PGM2: variants seen among roughly 807,000 people sequenced by gnomAD.
PGM2 encodes phosphopentomutase.
A neutral mutation model predicts 74.6 loss-of-function variants in PGM2; 57 were observed. That is an observed-to-expected ratio of 0.76 (90% CI 0.62 to 0.95). The LOEUF (loss-of-function observed/expected upper bound fraction) is 0.95, where lower values mean the gene tolerates loss of function less well. PGM2 is among the 40% of genes least tolerant of loss of function. The probability of loss-of-function intolerance (pLI) is 0.00; values close to 1 mark genes in which losing one functional copy is unlikely to be tolerated. For missense variants in PGM2, 706 were observed against 741.9 expected (o/e 0.95, Z 0.56); for synonymous variants, 273 against 260.7 (o/e 1.05, Z -0.46).
In PGM2 at chr4:37,858,162, C is replaced by T. The variant is rs183499620; in HGVS notation, c.1736+2421C>T. On this transcript the variant is annotated intron_variant, in intron 13 of 13. Coordinates refer to ENST00000381967, the MANE Select transcript of PGM2 (RefSeq NM_018290.4). ...GAGTGGACTTAAATTCAAATATTAG[C>T]TTATAAATTAGTGAAAAAAACCTTG... 1.2e-4 allele frequency among the ~76,000 whole-genome samples: 18 copies of T among 152,078 alleles called. No homozygotes were observed. The East Asian group carries it at 2.5e-3, about 21-fold the overall frequency.
At chr4:37,840,284 C>T (rs372547966) in intron 6 of PGM2, 25 bp downstream of exon 6, 689 of 1,426,444 alleles carry the variant, frequency 4.8e-4, no homozygotes, top group Non-Finnish European at 6.6e-4. Context: ...TCTTCACTGA[C>T]CTTAAGTGAG....
intron 6 of PGM2, among the ~76,000 whole-genome samples, chr4:37,843,324 A>G (rs867953496): frequency 3.9e-5 from 6 of 152,174 alleles, no homozygotes; most frequent in South Asian, 2.1e-4. Context: ...CTAATCTTAC[A>G]TATTTATTTT....
chr4:37,848,427 C>T lies in PGM2; in HGVS notation c.1283-95C>T, dbSNP rs1725937549. ...ATGAGAAATGTGCATACACGCAACACTGTACAACCTCTAATATGCAATAGC... is the reference window on the plus strand; with the variant it reads ...ATGAGAAATGTGCATACACGCAACATTGTACAACCTCTAATATGCAATAGC... On this transcript the variant is annotated intron_variant, in intron 10 of 13. Coordinates refer to ENST00000381967, the MANE Select transcript of PGM2 (RefSeq NM_018290.4). 5 of 1,097,360 alleles carry T rather than the reference C, an allele frequency of 4.6e-6. No individual in the cohort carries two copies. The Admixed American group carries it at 8.8e-5, about 19-fold the overall frequency. The allele number at this position is 1,097,360 out of a possible 1,614,324, so 68.0% of individuals were successfully genotyped here.
intron 3 of PGM2, among the ~76,000 whole-genome samples, chr4:37,836,529 G>A (rs931746870): frequency 6.6e-6 from 1 of 152,078 alleles, no homozygotes; most frequent in African/African-American, 2.4e-5. Context: ...GCATTTTTTT[G>A]TGCACATTTG....
chr4:37,846,008 T>A (rs1389737452), intron 8 of PGM2, among the ~76,000 whole-genome samples: 1 of 152,202 alleles, frequency 6.6e-6, no homozygotes, highest in Non-Finnish European at 1.5e-5. Flanking sequence ...CATTTTGTAA[T>A]TGATCTTTTT....
chr4:37,861,139 C>T (rs1451177130), intron 13 of PGM2, among the ~76,000 whole-genome samples: 1 of 152,088 alleles, frequency 6.6e-6, no homozygotes, highest in African/African-American at 2.4e-5. Context: ...AAAAGTTTAG[C>T]AGGATTTAAT....
intron 6 of PGM2, among the ~76,000 whole-genome samples, chr4:37,840,926 T>C (rs551341990): frequency 6.7e-6 from 1 of 148,316 alleles, no homozygotes; most frequent in Non-Finnish European, 1.5e-5. Context: ...TGTATGTGAT[T>C]CATACATATT....
In PGM2 at chr4:37,846,214, G is replaced by A. The variant is rs79161098; in HGVS notation, c.1007+484G>A. On this transcript the variant is annotated intron_variant, in intron 8 of 13. Transcript: ENST00000381967. The stretch of plus-strand genomic sequence containing the variant: ...AGTCTGACCAGAGAGTTTGTACAAA[G>A]GAGAAGTAAGTACGTGGGGCTAAAG... Among the ~76,000 whole-genome samples the A allele has an allele frequency of 3.9e-3, 591 of 152,232 alleles. 2 individuals carry two copies. Among genetic ancestry groups the A allele is most frequent in the African/African-American group, 0.014 (568 of 41,534 alleles).
Position 37,826,798 on chromosome 4 carries a change from G to A in PGM2, c.66G>A (p.Trp22Ter). The change falls in exon 1 of 14, where the codon TGG (tryptophan) becomes TGA (stop). Residue 22 changes from tryptophan (W) to a stop codon, truncating the protein, a stop_gained. Coordinates refer to ENST00000381967, the MANE Select transcript of PGM2 (RefSeq NM_018290.4). LOFTEE classifies it high-confidence loss of function. ...GGCTGGACCAGGAGACCGCCCAGTG[G>A]CTGCGCTGGGACAAGGTGAGGGGCA... is the stretch of plus-strand genomic sequence containing the variant. ...DARLDQETAQ[W>*]LRWDKNSLTL... 5 of 1,547,066 alleles carry A rather than the reference G, an allele frequency of 3.2e-6. No homozygotes were observed. Among genetic ancestry groups the A allele is most frequent in the Non-Finnish European group, 4.4e-6 (5 of 1,144,296 alleles).
intron 11 of PGM2, among the ~76,000 whole-genome samples, chr4:37,848,979 A>G (rs1034659774): frequency 6.6e-6 from 1 of 151,542 alleles, no homozygotes; most frequent in Admixed American, 6.6e-5. Context: ...CTGAGGCAGG[A>G]GAATTGCTTG....
At chr4:37,841,194 T>TGTGG (rs57914848) in intron 6 of PGM2, among the ~76,000 whole-genome samples, 5 of 42,264 alleles carry the variant, frequency 1.2e-4, no homozygotes, top group African/African-American at 3.7e-4. Flanking sequence ...GTGTGGTTTG[T>TGTGG]TCTGTGCACT....
intron 12 of PGM2, among the ~76,000 whole-genome samples, chr4:37,851,009 AG>A (rs1375703323): frequency 6.6e-6 from 1 of 150,682 alleles, no homozygotes; most frequent in African/African-American, 2.4e-5. Flanking sequence ...AAAAAAAAAA[AG>A]AGGAACTAGT....
In PGM2 at chr4:37,848,635, A is replaced by G. The variant is rs1646675218; in HGVS notation, c.1396A>G (p.Lys466Glu). ...GAATTTGTCTTTGTCTCAGCAACTAAAGGCCATTTATGTGGAGTAAGTTGT... is the reference window on the plus strand; with the variant it reads ...GAATTTGTCTTTGTCTCAGCAACTAGAGGCCATTTATGTGGAGTAAGTTGT... Reference protein sequence around the residue: ...TKNLSLSQQLKAIYVEYGYHI... With the variant: ...TKNLSLSQQLEAIYVEYGYHI... The change falls in exon 11 of 14, where the codon AAG becomes GAG. Residue 466 changes from lysine to glutamate, a missense_variant. This residue lies in a region of PGM2 where 359 missense variants were observed against 371.1 expected (regional missense o/e 0.97). Transcript: ENST00000381967. 1 of 1,613,488 alleles carries G rather than the reference A, an allele frequency of 6.2e-7. No individual in the cohort carries two copies. The highest frequency in any genetic ancestry group is 1.3e-5 in the African/African-American group (1 of 74,928).
intron 12 of PGM2, 60 bp from the exon 13 acceptor site, chr4:37,855,548 A>C: frequency 5.8e-5 from 83 of 1,421,352 alleles, no homozygotes; most frequent in East Asian, 1.2e-4. Context: ...ATGCAAGAGA[A>C]GATATTGGTT....
chr4:37,840,223 A>G lies in PGM2; in HGVS notation c.683A>G (p.Asp228Gly). 6.2e-7 allele frequency: 1 copy of G among 1,612,240 alleles called. No individual in the cohort carries two copies. The highest frequency in any genetic ancestry group is 1.7e-4 in the Middle Eastern group (1 of 6,056). ...LHNPSASINN[D>G]YFEDLKKYCF... ...AATCCGAGTGCTTCCATCAATAATG[A>G]CTACTTTGAAGACCTTAAAAAGTAC... is the stretch of plus-strand genomic sequence containing the variant. Residue 228 changes from aspartate to glycine, a missense_variant, in exon 6 of 14, where the codon GAC (aspartate) becomes GGC (glycine). Coordinates refer to ENST00000381967, the MANE Select transcript of PGM2 (RefSeq NM_018290.4).
Position 37,833,897 on chromosome 4 carries a change from C to A in PGM2, c.250-721C>A, listed in dbSNP as rs192433897. Reference sequence around the variant, plus strand: ...TAGGTGGCAGCGTGGAGTACAAATTCTCAGATTGTGCTTCTAGAGTATGTG... The same window carrying A: ...TAGGTGGCAGCGTGGAGTACAAATTATCAGATTGTGCTTCTAGAGTATGTG... On this transcript the variant is annotated intron_variant, in intron 2 of 13. Coordinates refer to ENST00000381967, the MANE Select transcript of PGM2 (RefSeq NM_018290.4). Among the ~76,000 whole-genome samples the A allele has an allele frequency of 2.3e-4, 34 of 150,266 alleles. No individual in the cohort carries two copies. In the East Asian group the frequency reaches 6.0e-3, roughly 26 times the overall value.
chr4:37,840,209 T>C lies in PGM2; in HGVS notation c.669T>C (p.Ala223=), dbSNP rs1471170236. The C allele has an allele frequency of 6.2e-7, 1 of 1,613,040 alleles. No individual in the cohort carries two copies. The highest frequency in any genetic ancestry group is 8.5e-7 in the Non-Finnish European group (1 of 1,179,100). The part of the protein sequence containing the change: ...DSSPLLHNPS[A]SINNDYFEDL... ...GTCCACTTCTCCACAATCCGAGTGC[T>C]TCCATCAATAATGACTACTTTGAAG... Residue 223 remains alanine (A), a synonymous_variant, in exon 6 of 14, where the codon GCT becomes GCC. Coordinates refer to ENST00000381967, the MANE Select transcript of PGM2 (RefSeq NM_018290.4).
At chr4:37,855,545 A>T (rs6842360) in intron 12 of PGM2, 63 bp from the exon 13 acceptor site, 2 of 1,398,586 alleles carry the variant, frequency 1.4e-6, no homozygotes, top group Non-Finnish European at 2.0e-6. Flanking sequence ...CTTATGCAAG[A>T]GAAGATATTG....
In PGM2 at chr4:37,840,074, G is replaced by C. The variant is rs1409524326; in HGVS notation, c.534G>C (p.Trp178Cys). The C allele has an allele frequency of 6.2e-7, 1 of 1,613,130 alleles. No individual in the cohort carries two copies. The change falls in exon 6 of 14, where the codon TGG becomes TGC. Residue 178 changes from tryptophan (W) to cysteine (C), a missense_variant. By Grantham distance (215) the Trp-to-Cys change is radical. This residue lies in a region of PGM2 where 332 missense variants were observed against 334.9 expected (regional missense o/e 0.99). Coordinates refer to ENST00000381967, the MANE Select transcript of PGM2 (RefSeq NM_018290.4). ...PKQDNGYKVY[W>C]DNGAQIISPH... Reference sequence around the variant, plus strand: ...GTTCCTGGGTCCTCTAGGTCTATTGGGATAATGGAGCTCAGATCATTTCTC... The same window carrying C: ...GTTCCTGGGTCCTCTAGGTCTATTGCGATAATGGAGCTCAGATCATTTCTC...
Sources: allele counts gnomAD v4.1 joint callset (sites outside exome capture counted in the v4.1 genomes callset), GRCh38; gene constraint gnomAD v4.1.1; regional missense constraint gnomAD v4.1.1; transcripts MANE v1.5; gene names NCBI Gene and HGNC (gene_info 2026-07-23, HGNC 2026-07-21).